Variants in NBN observed in about 807,000 individuals in gnomAD.
NBN encodes nibrin, also known as Nijmegen breakage syndrome 1 (nibrin).
Under a neutral mutation model 90.8 loss-of-function variants are expected in NBN, and 88 were observed. That is an observed-to-expected ratio of 0.97 (90% CI 0.82 to 1.16). The LOEUF (loss-of-function observed/expected upper bound fraction) is 1.16. Ranked by LOEUF, NBN falls within the 50% of genes most tolerant of loss-of-function variation. The probability of loss-of-function intolerance (pLI) is 0.00; values close to 1 mark genes in which losing one functional copy is unlikely to be tolerated. For synonymous variants in NBN, 328 were observed against 295.1 expected (o/e 1.11, Z -1.14); for missense variants, 894 against 869.6 (o/e 1.03, Z -0.35).
intron 2 of NBN, 95 bp downstream of exon 2, chr8:89,982,627 A>T: frequency 8.6e-7 from 1 of 1,162,992 alleles, no homozygotes. Flanking sequence ...TAAAATGACA[A>T]ATCCTGTGAA....
At position 89,971,198 on chromosome 8, in the gene NBN, G is replaced by A. The variant is rs1554564219; in HGVS notation, c.677C>T (p.Thr226Ile). 6.2e-7 allele frequency: 1 copy of A among 1,612,856 alleles called. No homozygotes were observed. The highest frequency in any genetic ancestry group is 8.5e-7 in the Non-Finnish European group (1 of 1,179,314). ...QERKQIFKGK[T>I]FIFLNAKQHK... ...CTGTTTGGCATTCAAAAATATAAAT[G>A]TTTTCCCTTTGAAGATTTGTTTTCT... Residue 226 changes from threonine (T) to isoleucine (I), a missense_variant, in exon 6 of 16, where the codon ACA becomes ATA. Coordinates refer to ENST00000265433, the MANE Select transcript of NBN (RefSeq NM_002485.5).
At position 89,984,563 on chromosome 8, in the gene NBN, G is replaced by A. The variant is rs202104448; in HGVS notation, c.-2C>T. 64 of 1,613,110 alleles carry A rather than the reference G, an allele frequency of 4.0e-5. No individual in the cohort carries two copies. In the East Asian group the frequency reaches 1.3e-3, roughly 33 times the overall value. ...CGCGGCGGGCAGCAGTTTCCACATC[G>A]GTCCGGCTCCTCAGGGCTGGGGCCG... On this transcript the variant is annotated 5_prime_UTR_variant, in exon 1 of 16. Coordinates refer to ENST00000265433, the MANE Select transcript of NBN (RefSeq NM_002485.5).
chr8:89,945,483 G>C (rs1185295952), intron 13 of NBN, among the ~76,000 whole-genome samples: 3 of 152,258 alleles, frequency 2.0e-5, no homozygotes, highest in Middle Eastern at 3.4e-3. Flanking sequence ...TCATGTTATA[G>C]AGGAAAGCAG....
In NBN at chr8:89,970,533, C is replaced by G. The variant is rs786203253; in HGVS notation, c.727G>C (p.Val243Leu). The change falls in exon 7 of 16, where the codon GTC becomes CTC. Residue 243 changes from valine to leucine, a missense_variant. Val to Leu is a conservative substitution (Grantham distance 32, BLOSUM62 1). Transcript: ENST00000265433. ...KQHKKLSSAV[V>L]FGGGEARLIT... ...AACCTAGCTTCCCCACCTCCAAAGA[C>G]AACTGCGGAACTCAATTTCTTATGC... The G allele has an allele frequency of 6.2e-7, 1 of 1,613,776 alleles. No individual in the cohort carries two copies. Among genetic ancestry groups the G allele is most frequent in the African/African-American group, 1.3e-5 (1 of 75,004 alleles).
At chr8:89,943,228 T>C in intron 14 of NBN, 25 bp downstream of exon 14, 1 of 1,613,210 alleles carries the variant, frequency 6.2e-7, no homozygotes, top group South Asian at 1.1e-5. Context: ...TTTAAGCAAG[T>C]TTCTGGGCCT....
At chr8:89,984,437 G>A in intron 1 of NBN, 88 bp downstream of exon 1, 3 of 1,271,360 alleles carry the variant, frequency 2.4e-6, no homozygotes, top group East Asian at 2.5e-5. Context: ...GGGCAGGAAC[G>A]GACGCGACGC....
At chr8:89,948,275 G>A (rs13312936) in intron 11 of NBN, among the ~76,000 whole-genome samples, 1,670 of 152,214 alleles carry the variant, frequency 0.011, 17 homozygotes, top group Non-Finnish European at 0.018. Flanking sequence ...ATTAACCATG[G>A]TTGTCTGTAG....
intron 14 of NBN, among the ~76,000 whole-genome samples, chr8:89,939,339 G>A (rs1809831891): frequency 6.6e-6 from 1 of 152,044 alleles, no homozygotes; most frequent in African/African-American, 2.4e-5. Context: ...CTGTTATAGA[G>A]TAAGTCCTAC....
At chr8:89,975,158 T>A (rs1811693485) in intron 5 of NBN, among the ~76,000 whole-genome samples, 1 of 152,246 alleles carries the variant, frequency 6.6e-6, no homozygotes, top group South Asian at 2.1e-4. Context: ...ATATTGCAAA[T>A]CATTTCATGT....
intron 5 of NBN, among the ~76,000 whole-genome samples, chr8:89,973,886 C>T (rs762440658): frequency 2.1e-5 from 3 of 141,130 alleles, no homozygotes; most frequent in Middle Eastern, 3.4e-3. Context: ...GTTTTGGGTT[C>T]GTTTATACAG....
intron 11 of NBN, among the ~76,000 whole-genome samples, chr8:89,952,119 A>G (rs954636113): frequency 4.6e-5 from 7 of 152,198 alleles, no homozygotes; most frequent in Non-Finnish European, 8.8e-5. Flanking sequence ...GACACCTAGT[A>G]AATTAATACC....
chr8:89,958,002 C>A (rs1032216006), intron 9 of NBN, among the ~76,000 whole-genome samples: 1 of 152,154 alleles, frequency 6.6e-6, no homozygotes, highest in African/African-American at 2.4e-5. Context: ...AGCTCGTTTT[C>A]CTGCAACTAG....
chr8:89,980,615 T>C (rs887130871), intron 4 of NBN, 119 bp downstream of exon 4: 3 of 823,138 alleles, frequency 3.6e-6, no homozygotes, highest in South Asian at 3.3e-5. Context: ...TGGGTATATA[T>C]AAATCTACAA....
In NBN at chr8:89,970,464, G is replaced by A. The variant is rs762956906; in HGVS notation, c.796C>T (p.Pro266Ser). Residue 266 changes from proline to serine, a missense_variant, in exon 7 of 16, where the codon CCG becomes TCG. Physicochemically the swap from Pro to Ser is moderately conservative, Grantham distance 74 (BLOSUM62 -1). Transcript: ENST00000265433. Reference protein sequence around the residue: ...NEEEHNFFLAPGTCVVDTGIT... With the variant: ...NEEEHNFFLASGTCVVDTGIT... Reference sequence around the variant, plus strand: ...CCTGTATCAACAACACACGTTCCCGGAGCCAAAAAGAAATTATGTTCTTCT... The same window carrying A: ...CCTGTATCAACAACACACGTTCCCGAAGCCAAAAAGAAATTATGTTCTTCT... 3.1e-6 allele frequency: 5 copies of A among 1,613,822 alleles called. No homozygotes were observed. In the Admixed American group the frequency reaches 6.7e-5, roughly 22 times the overall value.
intron 11 of NBN, among the ~76,000 whole-genome samples, chr8:89,948,495 A>G (rs1229545652): frequency 6.6e-6 from 1 of 152,226 alleles, no homozygotes; most frequent in Non-Finnish European, 1.5e-5. Context: ...TAGTCACAGT[A>G]TCTTTCACAT....
chr8:89,941,138 C>T (rs1166971210), intron 14 of NBN, among the ~76,000 whole-genome samples: 1 of 151,878 alleles, frequency 6.6e-6, no homozygotes, highest in Admixed American at 6.6e-5. Context: ...TTATAGAGAG[C>T]CCAGCAAATA....
intron 14 of NBN, among the ~76,000 whole-genome samples, chr8:89,939,804 T>C (rs1055704798): frequency 6.6e-6 from 1 of 152,180 alleles, no homozygotes. Flanking sequence ...ACCAAACACA[T>C]AGGCTCCAAG....
intron 10 of NBN, among the ~76,000 whole-genome samples, chr8:89,955,072 T>C (rs1407146947): frequency 6.6e-6 from 1 of 151,992 alleles, no homozygotes; most frequent in Non-Finnish European, 1.5e-5. Context: ...AAATAACACG[T>C]AAGTACATAC....
At chr8:89,978,471 C>G (rs1471498337) in intron 4 of NBN, 148 bp from the exon 5 acceptor site, 1 of 638,680 alleles carries the variant, frequency 1.6e-6, no homozygotes, top group Non-Finnish European at 2.7e-6. Context: ...AAAGAAGCCA[C>G]AATCTATAAA....
Sources: gnomAD v4.1 joint callset for allele counts (sites outside exome capture counted in the v4.1 genomes callset) on GRCh38, gnomAD v4.1.1 for gene constraint, MANE v1.5 for transcripts, NCBI Gene and HGNC (gene_info 2026-07-23, HGNC 2026-07-21) for gene names.